PIP4K2A: variants seen among roughly 807,000 people sequenced by gnomAD.
PIP4K2A encodes the protein phosphatidylinositol-5-phosphate 4-kinase type 2 alpha.
PIP4K2A carries 14 observed loss-of-function variants against 42.9 expected under a neutral mutation model. That is an observed-to-expected ratio of 0.33 (90% CI 0.22 to 0.51). The LOEUF (loss-of-function observed/expected upper bound fraction) is 0.51, where lower values mean the gene tolerates loss of function less well. Ranked by LOEUF, PIP4K2A falls within the 20% of genes least tolerant of loss-of-function variation. The probability of loss-of-function intolerance (pLI) is 0.97; values close to 1 mark genes in which losing one functional copy is unlikely to be tolerated. For synonymous variants in PIP4K2A, 192 were observed against 192.2 expected, an observed-to-expected ratio of 1.00 and a Z score of 0.01; for missense variants, 434 against 519.8, an observed-to-expected ratio of 0.83 and a Z score of 1.61.
intron 1 of PIP4K2A, among the ~76,000 whole-genome samples, chr10:22,701,809 A>G (rs1362612229): frequency 2.0e-5 from 3 of 152,234 alleles, no homozygotes; most frequent in Non-Finnish European, 4.4e-5. Flanking sequence ...GAAAACTGGA[A>G]GCAGGAAGAA....
chr10:22,688,282 G>A (rs749963742), intron 1 of PIP4K2A, among the ~76,000 whole-genome samples: 3 of 152,196 alleles, frequency 2.0e-5, no homozygotes, highest in Non-Finnish European at 2.9e-5. Flanking sequence ...AGTATCAGGA[G>A]AGGACAGGAT....
Position 22,537,197 on chromosome 10 carries a change from G to A in PIP4K2A, c.*4C>T, listed in dbSNP as rs372647772. 3 of 1,598,104 alleles carry A rather than the reference G, an allele frequency of 1.9e-6. No individual in the cohort carries two copies. Among genetic ancestry groups the A allele is most frequent in the Non-Finnish European group, 1.7e-6 (2 of 1,170,092 alleles). Reference sequence around the variant, plus strand: ...TTCATGTCTGTCCGAGGCTGCGCAGGAGGTTACGTCAAGATGTGGCCAATA... The same window carrying A: ...TTCATGTCTGTCCGAGGCTGCGCAGAAGGTTACGTCAAGATGTGGCCAATA... On this transcript the variant is annotated 3_prime_UTR_variant, in exon 10 of 10. Transcript: ENST00000376573.
intron 1 of PIP4K2A, among the ~76,000 whole-genome samples, chr10:22,683,835 TCA>T (rs138327782): frequency 0.12 from 16,533 of 138,786 alleles, 1,121 homozygotes; most frequent in African/African-American, 0.22. Flanking sequence ...ACCAAGCAGT[TCA>T]CACACACACA....
intron 1 of PIP4K2A, among the ~76,000 whole-genome samples, chr10:22,676,640 T>C (rs1839566364): frequency 1.3e-5 from 2 of 152,096 alleles, no homozygotes; most frequent in South Asian, 4.2e-4. Flanking sequence ...AAGGGAGACC[T>C]TTCATAGGCT....
At chr10:22,575,551 C>T (rs2130798993) in intron 4 of PIP4K2A, among the ~76,000 whole-genome samples, 1 of 152,270 alleles carries the variant, frequency 6.6e-6, no homozygotes, top group Middle Eastern at 3.4e-3. Flanking sequence ...GACTAGTTGT[C>T]CCCCCTTAGG....
intron 4 of PIP4K2A, among the ~76,000 whole-genome samples, chr10:22,580,832 C>G (rs576723425): frequency 6.6e-6 from 1 of 152,314 alleles, no homozygotes; most frequent in East Asian, 1.9e-4. Flanking sequence ...GGCAAAAGGA[C>G]GTCATCAACA....
chr10:22,697,808 G>C (rs1840000236), intron 1 of PIP4K2A, among the ~76,000 whole-genome samples: 1 of 152,076 alleles, frequency 6.6e-6, no homozygotes, highest in Admixed American at 6.6e-5. Context: ...GACTCTAGCA[G>C]ATGTCACATT....
chr10:22,648,054 T>C (rs1838918663), intron 1 of PIP4K2A, among the ~76,000 whole-genome samples: 1 of 152,202 alleles, frequency 6.6e-6, no homozygotes, highest in African/African-American at 2.4e-5. Flanking sequence ...CTGTTCAGAC[T>C]TTATTTCCTT....
chr10:22,711,485 A>G (rs1588720868), intron 1 of PIP4K2A, among the ~76,000 whole-genome samples: 4 of 152,270 alleles, frequency 2.6e-5, no homozygotes, highest in Non-Finnish European at 5.9e-5. Context: ...CTAGTATAAC[A>G]CTGTGCACCT....
At chr10:22,671,270 A>G (rs1171509) in intron 1 of PIP4K2A, among the ~76,000 whole-genome samples, 36,621 of 152,170 alleles carry the variant, frequency 0.24, 4,812 homozygotes, top group Non-Finnish European at 0.3. Context: ...AGAAAGAAAT[A>G]TGAATAAATA....
intron 1 of PIP4K2A, among the ~76,000 whole-genome samples, chr10:22,675,363 A>AG (rs1359908079): frequency 6.6e-6 from 1 of 152,182 alleles, no homozygotes; most frequent in Admixed American, 6.5e-5. Flanking sequence ...CGAGGTGGGC[A>AG]GATCACGAAA....
chr10:22,665,641 T>C (rs1340043041), intron 1 of PIP4K2A, among the ~76,000 whole-genome samples: 1 of 144,800 alleles, frequency 6.9e-6, no homozygotes, highest in Non-Finnish European at 1.5e-5. Context: ...AAAAAAGTAA[T>C]GGTGTCTCAC....
Position 22,536,737 on chromosome 10 carries a change from A to AACAAAACAAAAAAAAAAAT in PIP4K2A, c.*463_*464insATTTTTTTTTTTGTTTTGT, listed in dbSNP as rs1835937991. 5 of 149,438 alleles carry AACAAAACAAAAAAAAAAAT rather than the reference A, an allele frequency of 3.3e-5. No individual in the cohort carries two copies. The highest frequency in any genetic ancestry group is 7.4e-5 in the Non-Finnish European group (5 of 67,386). 9.3% of individuals were successfully genotyped at this position (149,438 alleles called of 1,614,324 possible). Reference sequence around the variant, plus strand: ...TCCAAAAAAAAAAAAAAAAAAAAAAAACTGATCCACAGTTTGTTGTGTGAT... The same window carrying AACAAAACAAAAAAAAAAAT: ...TCCAAAAAAAAAAAAAAAAAAAAAAAACAAAACAAAAAAAAAAATACTGATCCACAGTTTGTTGTGTGAT... On this transcript the variant is annotated 3_prime_UTR_variant, in exon 10 of 10. Transcript: ENST00000376573.
At chr10:22,692,031 C>T (rs1839881554) in intron 1 of PIP4K2A, among the ~76,000 whole-genome samples, 1 of 151,986 alleles carries the variant, frequency 6.6e-6, no homozygotes, top group Admixed American at 6.6e-5. Flanking sequence ...AAGACCATTA[C>T]CTTTATTGTG....
intron 1 of PIP4K2A, among the ~76,000 whole-genome samples, chr10:22,708,281 T>TG (rs1833856213): frequency 2.0e-5 from 3 of 152,220 alleles, no homozygotes; most frequent in African/African-American, 7.2e-5. Context: ...TGGGAACATC[T>TG]AATTGTGCCG....
intron 1 of PIP4K2A, among the ~76,000 whole-genome samples, chr10:22,666,395 G>GAT (rs374429640): frequency 1.1e-3 from 172 of 152,308 alleles, no homozygotes; most frequent in African/African-American, 3.8e-3. Flanking sequence ...GAGAAACCAT[G>GAT]ACCTTTCAAT....
intron 1 of PIP4K2A, among the ~76,000 whole-genome samples, chr10:22,691,290 G>A (rs1321129019): frequency 6.6e-6 from 1 of 152,066 alleles, no homozygotes; most frequent in African/African-American, 2.4e-5. Flanking sequence ...TTATCTTCCA[G>A]CTCTGTAGTT....
chr10:22,652,034 A>G (rs1475019852), intron 1 of PIP4K2A, among the ~76,000 whole-genome samples: 3 of 152,100 alleles, frequency 2.0e-5, no homozygotes, highest in African/African-American at 7.2e-5. Context: ...ATTCTGTATT[A>G]TTTAACTGAG....
intron 3 of PIP4K2A, among the ~76,000 whole-genome samples, chr10:22,599,124 A>C (rs879920951): frequency 2.0e-5 from 3 of 152,244 alleles, no homozygotes; most frequent in Admixed American, 2.0e-4. Context: ...GAATAAATTA[A>C]ACGAGTTTCA....
Sources: gnomAD v4.1 joint callset for allele counts (sites outside exome capture counted in the v4.1 genomes callset) on GRCh38, gnomAD v4.1.1 for gene constraint, MANE v1.5 for transcripts, NCBI Gene and HGNC (gene_info 2026-07-23, HGNC 2026-07-21) for gene names.